The following MREG variants were observed in gnomAD, a reference collection of about 807,000 sequenced individuals.
MREG encodes dilute suppressor protein homolog.
Under a neutral mutation model 28.5 loss-of-function variants are expected in MREG, and 31 were observed. That is an observed-to-expected ratio of 1.09 (90% CI 0.82 to 1.47). The LOEUF (loss-of-function observed/expected upper bound fraction) is 1.47. Among genes scored for constraint, MREG ranks in the 40% most tolerant of loss-of-function variants. MREG has a pLI of 0.00. For synonymous variants in MREG, 106 were observed against 95.2 expected, an observed-to-expected ratio of 1.11 and a Z score of -0.66; for missense variants, 256 against 257.4, an observed-to-expected ratio of 0.99 and a Z score of 0.04.
At chr2:215,982,079 G>A (rs1198644719) in intron 2 of MREG, among the ~76,000 whole-genome samples, 1 of 152,154 alleles carries the variant, frequency 6.6e-6, no homozygotes, top group Non-Finnish European at 1.5e-5. Context: ...CCAACACTTT[G>A]GGAGGCTGAG....
chr2:215,988,264 G>T (rs552554488), intron 2 of MREG, among the ~76,000 whole-genome samples: 35 of 152,316 alleles, frequency 2.3e-4, no homozygotes, highest in African/African-American at 7.9e-4. Context: ...GCAGGGTGGG[G>T]CGTTGCCTCA....
intron 2 of MREG, among the ~76,000 whole-genome samples, chr2:215,985,335 T>C (rs778589904): frequency 1.1e-4 from 17 of 152,228 alleles, no homozygotes; most frequent in Non-Finnish European, 1.5e-4. Flanking sequence ...TTTAGGAACA[T>C]TGAGGCTGTT....
intron 2 of MREG, among the ~76,000 whole-genome samples, chr2:215,964,478 T>C (rs1386942224): frequency 3.2e-5 from 3 of 93,180 alleles, no homozygotes; most frequent in Non-Finnish European, 6.7e-5. Context: ...TAAGACTCTG[T>C]CTCAAAAAAA....
At chr2:215,945,425 C>T in intron 4 of MREG, 146 bp downstream of exon 4, 2 of 969,922 alleles carry the variant, frequency 2.1e-6, no homozygotes, top group South Asian at 1.7e-5. Flanking sequence ...CTGCGGGCCA[C>T]TGGGGACCAC....
rs115374747 is a variant in MREG, at chr2:215,983,361, A to G, written c.255+12945T>C. ...AGCATTATGTGGCTGGTCCACGATC[A>G]GTTCAACCCCCCTTTCCCTGTTTCT... On this transcript the variant is annotated intron_variant, in intron 2 of 4. Coordinates refer to ENST00000263268, the MANE Select transcript of MREG (RefSeq NM_018000.3). Among the ~76,000 whole-genome samples the G allele has an allele frequency of 6.5e-3, 995 of 152,372 alleles. 14 individuals are homozygous for G. The highest frequency in any genetic ancestry group is 0.023 in the African/African-American group (950 of 41,584).
intron 2 of MREG, among the ~76,000 whole-genome samples, chr2:215,963,938 A>G (rs765613653): frequency 5.9e-5 from 9 of 152,252 alleles, no homozygotes; most frequent in Non-Finnish European, 1.3e-4. Flanking sequence ...TGAAACTTTT[A>G]TATGTGACGG....
At chr2:216,023,819 G>A (rs1694558813) in intron 1 of MREG, among the ~76,000 whole-genome samples, 2 of 151,864 alleles carry the variant, frequency 1.3e-5, no homozygotes, top group Admixed American at 6.6e-5. Flanking sequence ...AGGCACCCAC[G>A]ACCATGCCCA....
At chr2:215,962,606 T>G (rs1330166604) in intron 2 of MREG, among the ~76,000 whole-genome samples, 2 of 152,214 alleles carry the variant, frequency 1.3e-5, no homozygotes, top group Non-Finnish European at 2.9e-5. Context: ...GTTCAATTAG[T>G]TTAAGCATGT....
chr2:215,962,809 T>C (rs1465360693), intron 2 of MREG, among the ~76,000 whole-genome samples: 1 of 151,562 alleles, frequency 6.6e-6, no homozygotes. Flanking sequence ...AGATGGGCGG[T>C]AAGGGTAAAA....
chr2:216,031,799 C>T (rs1239539105), intron 1 of MREG, among the ~76,000 whole-genome samples: 2 of 152,210 alleles, frequency 1.3e-5, no homozygotes, highest in Non-Finnish European at 2.9e-5. Flanking sequence ...CACAATCAAT[C>T]CCATTGAAAC....
Position 215,949,062 on chromosome 2 carries a change from ACT to A in MREG, c.256-1951_256-1950del, listed in dbSNP as rs1491165284. Among the ~76,000 whole-genome samples, 1,224 of 141,252 alleles carry A rather than the reference ACT, an allele frequency of 8.7e-3. 13 individuals are homozygous for A. The highest frequency in any genetic ancestry group is 9.7e-3 in the Non-Finnish European group (633 of 65,516). 92.7% of individuals were successfully genotyped at this position (141,252 alleles called of 152,430 possible). ...TACTACTACTACTACTACTACTACT[ACT>A]ACTACTACTACTACTACTACTACTA... On this transcript the variant is annotated intron_variant, in intron 2 of 4. Transcript: ENST00000263268.
At chr2:215,949,260 TA>T (rs78715040) in intron 2 of MREG, among the ~76,000 whole-genome samples, 11,022 of 129,162 alleles carry the variant, frequency 0.085, 462 homozygotes, top group Middle Eastern at 0.26. Flanking sequence ...GACTTTGTCT[TA>T]AAAAAAAAAA....
chr2:216,025,297 C>T (rs141254620), intron 1 of MREG, among the ~76,000 whole-genome samples: 1 of 152,274 alleles, frequency 6.6e-6, no homozygotes, highest in East Asian at 1.9e-4. Context: ...AGAAAGAAGA[C>T]CTCTACTACC....
intron 1 of MREG, among the ~76,000 whole-genome samples, chr2:216,011,480 C>T (rs1364137054): frequency 1.3e-5 from 2 of 152,190 alleles, no homozygotes; most frequent in African/African-American, 2.4e-5. Flanking sequence ...TTTCATCTCT[C>T]GTGGCAAACC....
At chr2:216,029,529 C>T (rs112289571) in intron 1 of MREG, among the ~76,000 whole-genome samples, 1 of 152,180 alleles carries the variant, frequency 6.6e-6, no homozygotes, top group Non-Finnish European at 1.5e-5. Context: ...ATGATAAACA[C>T]AAGGCAGAAG....
intron 2 of MREG, among the ~76,000 whole-genome samples, chr2:215,951,609 T>C (rs1003036837): frequency 2.6e-5 from 4 of 152,228 alleles, no homozygotes; most frequent in Admixed American, 6.5e-5. Flanking sequence ...CATACTGAGC[T>C]AATTTCATAA....
At chr2:216,007,576 T>C (rs1436240617) in intron 1 of MREG, among the ~76,000 whole-genome samples, 2 of 152,018 alleles carry the variant, frequency 1.3e-5, no homozygotes, top group Non-Finnish European at 2.9e-5. Flanking sequence ...ATTACAGGCA[T>C]GTGCCACCAC....
intron 2 of MREG, among the ~76,000 whole-genome samples, chr2:215,968,845 T>A (rs942909329): frequency 3.3e-5 from 5 of 152,170 alleles, no homozygotes; most frequent in African/African-American, 9.7e-5. Context: ...AGCCTCAACC[T>A]CTGAAGCTCA....
At chr2:216,021,209 G>A (rs1694515357) in intron 1 of MREG, among the ~76,000 whole-genome samples, 1 of 152,090 alleles carries the variant, frequency 6.6e-6, no homozygotes, top group South Asian at 2.1e-4. Context: ...GTGCAGTGAT[G>A]CAATCTCGGC....
Sources: allele counts gnomAD v4.1 joint callset (sites outside exome capture counted in the v4.1 genomes callset), GRCh38; gene constraint gnomAD v4.1.1; transcripts MANE v1.5; gene names NCBI Gene and HGNC (gene_info 2026-07-23, HGNC 2026-07-21).